Variants in PHLDB1 observed in about 807,000 individuals in gnomAD.
PHLDB1 encodes the protein pleckstrin homology-like domain family B member 1.
Under a neutral mutation model 139.3 loss-of-function variants are expected in PHLDB1, and 65 were observed. That is an observed-to-expected ratio of 0.47 (90% CI 0.38 to 0.57). The LOEUF is 0.57. Ranked by LOEUF, PHLDB1 falls within the 20% of genes least tolerant of loss-of-function variation. The probability of loss-of-function intolerance (pLI) is 0.00; values close to 1 mark genes in which losing one functional copy is unlikely to be tolerated. For missense variants in PHLDB1, 1,624 were observed against 1,839.7 expected (o/e 0.88, Z 2.14); for synonymous variants, 679 against 734.5 (o/e 0.92, Z 1.22).
intron 20 of PHLDB1, chr11:118,654,528 A>G (rs1236392766): frequency 3.3e-5 from 5 of 152,148 alleles, no homozygotes; most frequent in Non-Finnish European, 5.9e-5. Flanking sequence ...TAGAGTTTCT[A>G]TAGGAGAATA....
Position 118,627,837 on chromosome 11 carries a change from T to C in PHLDB1, c.1014T>C (p.Thr338=), listed in dbSNP as rs1482692365. Residue 338 remains threonine (T), a synonymous_variant, in exon 6 of 23, where the codon ACT becomes ACC. Coordinates refer to ENST00000600882, the MANE Select transcript of PHLDB1 (RefSeq NM_001144758.3). ...RGLLTDSPAA[T]VLAEARRATE... ...TGCTGACAGACAGCCCTGCAGCTAC[T>C]GTCTTGGCGGAGGCCCGGAGAGCCA... 1 of 1,606,794 alleles carries C rather than the reference T, an allele frequency of 6.2e-7. No homozygotes were observed. Among genetic ancestry groups the C allele is most frequent in the Non-Finnish European group, 8.5e-7 (1 of 1,179,698 alleles).
chr11:118,634,963 C>A, intron 9 of PHLDB1: 1 of 457,548 alleles, frequency 2.2e-6, no homozygotes, highest in South Asian at 1.6e-5. Context: ...CACCTGGAGG[C>A]CCGCCAGGCG....
rs1555117484 is a variant in PHLDB1, at chr11:118,638,873, C to T, written c.2536-18C>T. ...CCCTGTCTCCCCAGGGCCTGATCAA[C>T]CACCCCATCTCCTTTAGGAGCGCCT... On this transcript the variant is annotated intron_variant, in intron 10 of 22. Transcript: ENST00000600882. 1 of 1,585,192 alleles carries T rather than the reference C, an allele frequency of 6.3e-7. No individual in the cohort carries two copies. Among genetic ancestry groups the T allele is most frequent in the Admixed American group, 1.8e-5 (1 of 56,884 alleles).
At chr11:118,618,538 G>C (rs1942124392) in intron 4 of PHLDB1, among the ~76,000 whole-genome samples, 3 of 151,808 alleles carry the variant, frequency 2.0e-5, no homozygotes, top group Non-Finnish European at 4.4e-5. Context: ...TACGAATCCT[G>C]TGTTTGTGTC....
intron 6 of PHLDB1, chr11:118,630,185 C>T (rs1944567265): frequency 3.1e-6 from 2 of 644,910 alleles, no homozygotes; most frequent in South Asian, 1.5e-5. Flanking sequence ...GGTCTAGGGA[C>T]CCTAGAGAGC....
chr11:118,632,258 G>T lies in PHLDB1; in HGVS notation c.2341G>T (p.Val781Leu), dbSNP rs1555111946. Residue 781 changes from valine to leucine, a missense_variant, in exon 9 of 23, where the codon GTG becomes TTG. Physicochemically the swap from Val to Leu is conservative, Grantham distance 32. Transcript: ENST00000600882. This position sits in a 1 kb window ranked among gnomAD's most constrained non-coding sequence, Gnocchi z 5.9. ...KAVDQLQEKLVALETGIQKER... is the reference protein window; with the variant it reads ...KAVDQLQEKLLALETGIQKER... ...AGTGGATCAGCTGCAGGAGAAGCTGGTGGCCTTGGAGACAGGCATCCAGAA... is the reference window on the plus strand; with the variant it reads ...AGTGGATCAGCTGCAGGAGAAGCTGTTGGCCTTGGAGACAGGCATCCAGAA... The T allele has an allele frequency of 1.9e-6, 3 of 1,613,496 alleles. No homozygotes were observed. The African/African-American group carries it at 4.0e-5, about 22-fold the overall frequency.
chr11:118,616,979 A>G (rs550118977), intron 4 of PHLDB1, among the ~76,000 whole-genome samples: 1 of 152,230 alleles, frequency 6.6e-6, no homozygotes, highest in Non-Finnish European at 1.5e-5. Flanking sequence ...TGGGAGGCAG[A>G]GGTTGTAGTG....
At chr11:118,648,919 C>T (rs1352062265) in intron 18 of PHLDB1, among the ~76,000 whole-genome samples, 1 of 152,140 alleles carries the variant, frequency 6.6e-6, no homozygotes, top group African/African-American at 2.4e-5. Flanking sequence ...GATCACAGTT[C>T]CCTCATTTCC....
In PHLDB1 at chr11:118,611,838, T is replaced by A. The variant is rs1028056755; in HGVS notation, c.-21-1978T>A. The stretch of plus-strand genomic sequence containing the variant: ...CGTCTCAAAAAAAAAAAAAAAATAA[T>A]AATAATAATAATAAATGGCATTAAG... On this transcript the variant is annotated intron_variant, in intron 1 of 22. Transcript: ENST00000600882. This position sits in a 1 kb window ranked among gnomAD's most constrained non-coding sequence, Gnocchi z 4.7. Among the ~76,000 whole-genome samples, 102 of 149,926 alleles carry A rather than the reference T, an allele frequency of 6.8e-4. No individual in the cohort carries two copies. Among genetic ancestry groups the A allele is most frequent in the South Asian group, 6.7e-3 (32 of 4,750 alleles).
At chr11:118,653,414 C>A (rs1206413583) in intron 20 of PHLDB1, 1 of 152,152 alleles carries the variant, frequency 6.6e-6, no homozygotes, top group Non-Finnish European at 1.5e-5. Flanking sequence ...TCCTCTGAAC[C>A]CCTGCATTAT....
chr11:118,641,507 CT>C, intron 12 of PHLDB1: 1 of 589,790 alleles, frequency 1.7e-6, no homozygotes, highest in Non-Finnish European at 2.5e-6. Flanking sequence ...GCTGCAGGCT[CT>C]GTACTTTCTG....
intron 4 of PHLDB1, among the ~76,000 whole-genome samples, chr11:118,619,316 T>C (rs1455597466): frequency 1.3e-5 from 2 of 152,140 alleles, no homozygotes; most frequent in East Asian, 3.9e-4. Context: ...CACTGGTGGG[T>C]AGGGGCTTGT....
At position 118,632,125 on chromosome 11, in the gene PHLDB1, C is replaced by T. The variant is rs1944914517; in HGVS notation, c.2242-34C>T. 6.2e-7 allele frequency: 1 copy of T among 1,613,844 alleles called. No individual in the cohort carries two copies. The highest frequency in any genetic ancestry group is 2.2e-5 in the East Asian group (1 of 44,876). On this transcript the variant is annotated intron_variant, in intron 8 of 22. Coordinates refer to ENST00000600882, the MANE Select transcript of PHLDB1 (RefSeq NM_001144758.3). The surrounding 1 kb of genome is among the most constrained non-coding windows in gnomAD (Gnocchi z 5.9). ...GGCCCCAGAGAGGGGCCACAGTCAG[C>T]TGCTTTGATGGGGACCCTGGTGTCT...
intron 4 of PHLDB1, chr11:118,621,583 G>C (rs1252847292): frequency 6.6e-6 from 1 of 152,318 alleles, no homozygotes; most frequent in Non-Finnish European, 1.5e-5. Context: ...AAGCAGCCAA[G>C]CTTGGAGAAG....
chr11:118,630,038 T>C (rs1555108478), intron 6 of PHLDB1: 3 of 1,286,550 alleles, frequency 2.3e-6, no homozygotes, highest in East Asian at 5.6e-5. Flanking sequence ...GTTTTTTTTT[T>C]TTTTTTTTGC....
In PHLDB1 at chr11:118,657,014, C is replaced by T; in HGVS notation, c.*191C>T. On this transcript the variant is annotated 3_prime_UTR_variant, in exon 23 of 23. Coordinates refer to ENST00000600882, the MANE Select transcript of PHLDB1 (RefSeq NM_001144758.3). ...TTGCAGTAACCCTTTAGGGTCCTGC[C>T]CCAGGCCCAGCCAGGGCTGAGGAGC... The T allele has an allele frequency of 1.9e-6, 1 of 519,536 alleles. No individual in the cohort carries two copies. Among genetic ancestry groups the T allele is most frequent in the Non-Finnish European group, 3.4e-6 (1 of 292,900 alleles). 32.2% of individuals were successfully genotyped at this position (519,536 alleles called of 1,614,324 possible).
At position 118,650,530 on chromosome 11, in the gene PHLDB1, C is replaced by T; in HGVS notation, c.3857C>T (p.Thr1286Ile). ...RWFVFDRLKR[T>I]LSYYVDKHET... Reference sequence around the variant, plus strand: ...TTTGTCTTCGACCGGCTCAAGCGCACCCTTTCCTATTATGTGGGTGAGTTC... The same window carrying T: ...TTTGTCTTCGACCGGCTCAAGCGCATCCTTTCCTATTATGTGGGTGAGTTC... Residue 1286 changes from threonine to isoleucine, a missense_variant, in exon 20 of 23, where the codon ACC becomes ATC. Transcript: ENST00000600882. The surrounding 1 kb of genome is among the most constrained non-coding windows in gnomAD (Gnocchi z 4.7). 2 of 1,613,288 alleles carry T rather than the reference C, an allele frequency of 1.2e-6. No homozygotes were observed. The highest frequency in any genetic ancestry group is 2.2e-5 in the East Asian group (1 of 44,872).
chr11:118,643,628 G>C (rs1555123355), intron 13 of PHLDB1, 172 bp from the exon 14 acceptor site: 9 of 985,348 alleles, frequency 9.1e-6, no homozygotes, highest in Non-Finnish European at 1.1e-5. Flanking sequence ...AGAATTGGCA[G>C]CTGCCAATAG....
Position 118,656,691 on chromosome 11 carries a change from C to T in PHLDB1, c.4002C>T (p.Asn1334=). 6.2e-7 allele frequency: 1 copy of T among 1,613,808 alleles called. No individual in the cohort carries two copies. The highest frequency in any genetic ancestry group is 8.5e-7 in the Non-Finnish European group (1 of 1,179,768). The stretch of plus-strand genomic sequence containing the variant: ...CTCTCTTCCTTTGGCAGAGCCCGAA[C>T]CCAGCCCTCACCTTCTGCGTAAAGA... The part of the protein sequence containing the change: ...FRFTMVTESP[N]PALTFCVKTH... Residue 1334 remains asparagine (N), a synonymous_variant, in exon 23 of 23, where the codon AAC becomes AAT. Transcript: ENST00000600882.
Sources: allele counts gnomAD v4.1 joint callset (sites outside exome capture counted in the v4.1 genomes callset), GRCh38; gene constraint gnomAD v4.1.1; non-coding constraint Gnocchi (gnomAD v3.1); transcripts MANE v1.5; gene names NCBI Gene and HGNC (gene_info 2026-07-23, HGNC 2026-07-21).